The following HELLS variants were observed in gnomAD, a reference collection of about 807,000 sequenced individuals.
The protein encoded by HELLS is lymphoid-specific helicase.
In HELLS, 32 loss-of-function variants were observed where a neutral mutation model predicts 120.0. That is an observed-to-expected ratio of 0.27 (90% CI 0.20 to 0.36). The LOEUF (loss-of-function observed/expected upper bound fraction) is 0.36. Among genes scored for constraint, HELLS ranks in the 10% least tolerant of loss-of-function variants. The pLI is 1.00. For missense variants in HELLS, 650 were observed against 993.4 expected, an observed-to-expected ratio of 0.65 and a Z score of 4.65; for synonymous variants, 341 against 323.4, an observed-to-expected ratio of 1.05 and a Z score of -0.58.
chr10:94,608,971 AAGCGCT>A (rs1050875418), intron 9 of HELLS, among the ~76,000 whole-genome samples: 3 of 149,264 alleles, frequency 2.0e-5, no homozygotes, highest in Non-Finnish European at 4.4e-5. Context: ...AACATCTTGC[AAGCGCT>A]AGCTTGATTT....
At chr10:94,554,670 A>G (rs1290466155) in intron 3 of HELLS, among the ~76,000 whole-genome samples, 1 of 107,534 alleles carries the variant, frequency 9.3e-6, no homozygotes, top group African/African-American at 3.7e-5. Flanking sequence ...TTTTTTTTTT[A>G]ATGCTAATGA....
chr10:94,603,794 C>A (rs1004029540), downstream of HELLS, among the ~76,000 whole-genome samples: 11 of 152,058 alleles, frequency 7.2e-5, no homozygotes, highest in African/African-American at 2.4e-4. Flanking sequence ...ATGTCTGATT[C>A]TAAAGGAAAT....
At chr10:94,602,676 T>C (rs1348546635), downstream of HELLS, among the ~76,000 whole-genome samples, 1 of 152,234 alleles carries the variant, frequency 6.6e-6, no homozygotes, top group Non-Finnish European at 1.5e-5. Context: ...CCCTGTGTCC[T>C]ATTGGCACAG....
chr10:94,598,247 G>A (rs1845839322), intron 21 of HELLS, among the ~76,000 whole-genome samples: 1 of 152,112 alleles, frequency 6.6e-6, no homozygotes, highest in African/African-American at 2.4e-5. Context: ...TGAAATTGGT[G>A]ATGGCAGTAA....
chr10:94,605,081 C>A (rs867059733), downstream of HELLS, among the ~76,000 whole-genome samples: 4 of 132,050 alleles, frequency 3.0e-5, no homozygotes, highest in East Asian at 2.5e-4. Context: ...CTCCCCCCCC[C>A]CCCCTTTTTT....
chr10:94,575,797 GT>G, intron 9 of HELLS, among the ~76,000 whole-genome samples: 2 of 150,642 alleles, frequency 1.3e-5, no homozygotes, highest in Admixed American at 6.6e-5. Context: ...GTGTGTGTGT[GT>G]GTGTGTGTGT....
rs1274420879 is a variant in HELLS, at chr10:94,559,544, C to T, written c.333+1349C>T. Among the ~76,000 whole-genome samples, 3 of 151,936 alleles carry T rather than the reference C, an allele frequency of 2.0e-5. No homozygotes were observed. The East Asian group carries it at 5.8e-4, about 29-fold the overall frequency. ...CACTGCTACCTCCACCTCCTGGGTT[C>T]AAGCAATTCTTCTGCCTCAGCCTCC... On this transcript the variant is annotated intron_variant, in intron 4 of 21. Coordinates refer to ENST00000348459, the MANE Select transcript of HELLS (RefSeq NM_018063.5).
At chr10:94,567,554 C>G (rs368529259) in intron 6 of HELLS, among the ~76,000 whole-genome samples, 4 of 152,210 alleles carry the variant, frequency 2.6e-5, no homozygotes, top group South Asian at 2.1e-4. Flanking sequence ...CACCTTGGCC[C>G]CCAAAGTGCT....
intron 9 of HELLS, among the ~76,000 whole-genome samples, chr10:94,575,134 CTG>C (rs1844370636): frequency 7.9e-6 from 1 of 126,096 alleles, no homozygotes; most frequent in Non-Finnish European, 1.6e-5. Context: ...AATGGAGTCT[CTG>C]TTACCCAGGC....
chr10:94,558,501 C>G (rs1310716129), intron 4 of HELLS, among the ~76,000 whole-genome samples: 1 of 152,150 alleles, frequency 6.6e-6, no homozygotes, highest in African/African-American at 2.4e-5. Flanking sequence ...TAAGTGGCCA[C>G]CTTCTTTGAA....
intron 6 of HELLS, among the ~76,000 whole-genome samples, chr10:94,568,871 C>A (rs1195112641): frequency 6.7e-6 from 1 of 148,182 alleles, no homozygotes; most frequent in Non-Finnish European, 1.5e-5. Flanking sequence ...GATAGAGTTT[C>A]ACTCTTGTTG....
chr10:94,557,258 A>T (rs985500052), intron 3 of HELLS: 3 of 325,740 alleles, frequency 9.2e-6, no homozygotes, highest in Non-Finnish European at 1.9e-5. Context: ...ACATTTAAAA[A>T]TTATCAATTT....
At chr10:94,596,812 G>A in intron 19 of HELLS, 48 bp from the exon 20 acceptor site, 2 of 960,804 alleles carry the variant, frequency 2.1e-6, no homozygotes, top group Non-Finnish European at 1.6e-6. Context: ...ATGTTGTATT[G>A]TAGTTTTAAA....
At position 94,558,750 on chromosome 10, in the gene HELLS, C is replaced by T. The variant is rs898833550; in HGVS notation, c.333+555C>T. On this transcript the variant is annotated intron_variant, in intron 4 of 21. Transcript: ENST00000348459. Reference sequence around the variant, plus strand: ...CCGAGTAGCTGGGACTACAGGCGCCCGCCACCATGCCTGGCTAATTTTTTG... The same window carrying T: ...CCGAGTAGCTGGGACTACAGGCGCCTGCCACCATGCCTGGCTAATTTTTTG... Among the ~76,000 whole-genome samples, 31 of 152,102 alleles carry T rather than the reference C, an allele frequency of 2.0e-4. 1 individual carries two copies. In the East Asian group the frequency reaches 5.8e-3, roughly 29 times the overall value.
At chr10:94,603,645 A>C (rs902475242), downstream of HELLS, among the ~76,000 whole-genome samples, 5 of 152,270 alleles carry the variant, frequency 3.3e-5, no homozygotes, top group African/African-American at 1.2e-4. Flanking sequence ...CTTGATAACT[A>C]TATCTGTACT....
chr10:94,577,820 G>A (rs2134065492), intron 10 of HELLS, among the ~76,000 whole-genome samples: 1 of 152,248 alleles, frequency 6.6e-6, no homozygotes, highest in East Asian at 1.9e-4. Flanking sequence ...CCAGCACTTT[G>A]GGAGGCCGAG....
At chr10:94,588,156 A>G in intron 12 of HELLS, 73 bp from the exon 13 acceptor site, 2 of 795,450 alleles carry the variant, frequency 2.5e-6, no homozygotes, top group Admixed American at 2.7e-5. Context: ...GTAAAGGAGT[A>G]TATGGGGACA....
rs111671483 is a variant in HELLS at position 94,558,086 on chromosome 10, T to C, written c.277-53T>C. 6 of 1,539,906 alleles carry C rather than the reference T, an allele frequency of 3.9e-6. No individual in the cohort carries two copies. In the African/African-American group the frequency reaches 8.5e-5, roughly 22 times the overall value. On this transcript the variant is annotated intron_variant, in intron 3 of 21. Transcript: ENST00000348459. ...TTATTTGAGAATTGATATGCGTTTT[T>C]TTTTTAAATGTTGCACTTTCCACTT... is the stretch of plus-strand genomic sequence containing the variant.
At chr10:94,550,550 G>A (rs2134273831) in intron 2 of HELLS, among the ~76,000 whole-genome samples, 2 of 152,130 alleles carry the variant, frequency 1.3e-5, no homozygotes, top group South Asian at 4.2e-4. Flanking sequence ...AAAGTGCCAG[G>A]ATTACAGGCG....
Sources: allele counts gnomAD v4.1 joint callset (sites outside exome capture counted in the v4.1 genomes callset), GRCh38; gene constraint gnomAD v4.1.1; transcripts MANE v1.5; gene names NCBI Gene and HGNC (gene_info 2026-07-23, HGNC 2026-07-21).